Variants in IGSF11 observed in about 807,000 individuals in gnomAD.
IGSF11 encodes CXADR like 1.
Under a neutral mutation model 41.0 loss-of-function variants are expected in IGSF11, and 22 were observed. The observed-to-expected ratio is 0.54, with a 90% CI of 0.38 to 0.77. The LOEUF is 0.77. IGSF11 is among the 30% of genes least tolerant of loss of function. The probability of loss-of-function intolerance (pLI) is 0.00; values close to 1 mark genes in which losing one functional copy is unlikely to be tolerated. For missense variants in IGSF11, 444 were observed against 530.8 expected, an observed-to-expected ratio of 0.84 and a Z score of 1.61; for synonymous variants, 219 against 201.3, an observed-to-expected ratio of 1.09 and a Z score of -0.74.
At chr3:118,945,624 G>A (rs1944068785) in intron 1 of IGSF11, among the ~76,000 whole-genome samples, 1 of 152,182 alleles carries the variant, frequency 6.6e-6, no homozygotes, top group Admixed American at 6.5e-5. Context: ...AGAAGGCACT[G>A]TATTGTTGAC....
At chr3:119,118,248 C>G (rs1029655006) in intron 1 of IGSF11, among the ~76,000 whole-genome samples, 3 of 152,238 alleles carry the variant, frequency 2.0e-5, no homozygotes, top group African/African-American at 7.2e-5. Flanking sequence ...GGCCCCATTC[C>G]TGCAGCAAAC....
intron 2 of IGSF11, among the ~76,000 whole-genome samples, chr3:118,928,960 A>C (rs1462709473): frequency 2.0e-5 from 3 of 152,210 alleles, no homozygotes; most frequent in Non-Finnish European, 4.4e-5. Flanking sequence ...ACATAAAAAA[A>C]GTCTTTGCTG....
intron 1 of IGSF11, among the ~76,000 whole-genome samples, chr3:118,981,137 A>C (rs1350140910): frequency 6.6e-6 from 1 of 152,056 alleles, no homozygotes; most frequent in Non-Finnish European, 1.5e-5. Context: ...AAATTCTTAT[A>C]ATTATTTTAT....
At chr3:119,016,966 CAAAT>C (rs1013268785) in intron 1 of IGSF11, among the ~76,000 whole-genome samples, 3 of 124,490 alleles carry the variant, frequency 2.4e-5, no homozygotes, top group Non-Finnish European at 4.9e-5. Flanking sequence ...GAAGATTAAA[CAAAT>C]AGATAAGTAC....
intron 1 of IGSF11, among the ~76,000 whole-genome samples, chr3:119,002,389 T>C (rs1011314649): frequency 2.0e-5 from 3 of 150,886 alleles, no homozygotes; most frequent in African/African-American, 7.4e-5. Context: ...GTCAGATGAG[T>C]AGGTTGTGAA....
intron 1 of IGSF11, among the ~76,000 whole-genome samples, chr3:119,056,684 G>C (rs1174910692): frequency 6.6e-6 from 1 of 152,148 alleles, no homozygotes; most frequent in Non-Finnish European, 1.5e-5. Context: ...GAGAATTTTA[G>C]ACCAATGTCC....
In IGSF11 at chr3:118,932,397, C is replaced by T. The variant is rs866800829; in HGVS notation, c.53-2122G>A. Among the ~76,000 whole-genome samples the T allele has an allele frequency of 1.5e-4, 23 of 152,290 alleles. No homozygotes were observed. The South Asian group carries it at 1.7e-3, about 11-fold the overall frequency. On this transcript the variant is annotated intron_variant, in intron 1 of 6. Transcript: ENST00000393775. ...ACAATTAGTTTAAAAAATAAACATGCATAACACCTTCCCTGTACAGAACGT... is the reference window on the plus strand; with the variant it reads ...ACAATTAGTTTAAAAAATAAACATGTATAACACCTTCCCTGTACAGAACGT...
At chr3:118,976,199 G>GA (rs1009764512) in intron 1 of IGSF11, among the ~76,000 whole-genome samples, 105 of 151,356 alleles carry the variant, frequency 6.9e-4, no homozygotes, top group African/African-American at 1.6e-3. Flanking sequence ...CCTTAAAAAA[G>GA]AAAAAAAAGA....
At position 119,080,921 on chromosome 3, in the gene IGSF11, C is replaced by T. The variant is rs190112600; in HGVS notation, c.49+24223G>A. Among the ~76,000 whole-genome samples the T allele has an allele frequency of 6.6e-5, 10 of 151,946 alleles. No homozygotes were observed. In the East Asian group the frequency reaches 1.7e-3, roughly 26 times the overall value. On this transcript the variant is annotated intron_variant, in intron 1 of 6. Transcript: ENST00000354673. ...ATCTATTAATATATTAATGAATTTCCTCCTACTAAAATTTTACCCAAAAAG... is the reference window on the plus strand; with the variant it reads ...ATCTATTAATATATTAATGAATTTCTTCCTACTAAAATTTTACCCAAAAAG...
At chr3:118,970,220 C>T (rs1933224509) in intron 1 of IGSF11, among the ~76,000 whole-genome samples, 1 of 152,128 alleles carries the variant, frequency 6.6e-6, no homozygotes, top group Non-Finnish European at 1.5e-5. Flanking sequence ...GTCAAGAATT[C>T]AACTCTTCTG....
chr3:118,961,836 G>A (rs1043623508), intron 1 of IGSF11, among the ~76,000 whole-genome samples: 2 of 152,222 alleles, frequency 1.3e-5, no homozygotes, highest in Non-Finnish European at 2.9e-5. Flanking sequence ...GTTAAAATGT[G>A]TTGGTCTATG....
At chr3:118,965,846 T>C (rs1220511853) in intron 1 of IGSF11, among the ~76,000 whole-genome samples, 1 of 152,156 alleles carries the variant, frequency 6.6e-6, no homozygotes, top group Non-Finnish European at 1.5e-5. Context: ...TACTGCATAG[T>C]AATAAAATGT....
Position 118,902,741 on chromosome 3 carries a change from C to G in IGSF11, c.1075G>C (p.Ala359Pro). The change falls in exon 7 of 7, where the codon GCT becomes CCT. Residue 359 changes from alanine (A) to proline (P), a missense_variant. This residue lies in a region of IGSF11 where 223 missense variants were observed against 226.2 expected (regional missense o/e 0.99). Coordinates refer to ENST00000393775, the MANE Select transcript of IGSF11 (RefSeq NM_001015887.3). ...SGNANIPSIY[A>P]NGTHLVPGQH... ...CCCGGGACCAGATGGGTCCCATTAG[C>G]ATAAATGGATGGTATGTTGGCATTG... 6.2e-7 allele frequency: 1 copy of G among 1,614,098 alleles called. No individual in the cohort carries two copies. The highest frequency in any genetic ancestry group is 1.1e-5 in the South Asian group (1 of 91,086).
intron 3 of IGSF11, among the ~76,000 whole-genome samples, chr3:118,927,559 A>C (rs1576390597): frequency 6.6e-6 from 1 of 152,160 alleles, no homozygotes; most frequent in Non-Finnish European, 1.5e-5. Flanking sequence ...AAAGGCACCA[A>C]AGGCCGAGGG....
intron 1 of IGSF11, among the ~76,000 whole-genome samples, chr3:118,952,060 T>C (rs983884424): frequency 2.0e-5 from 3 of 152,176 alleles, no homozygotes; most frequent in African/African-American, 7.2e-5. Context: ...GGTTTCCCAG[T>C]GCATATAAGT....
At chr3:119,119,645 GA>G (rs1403095453) in intron 1 of IGSF11, among the ~76,000 whole-genome samples, 2 of 152,092 alleles carry the variant, frequency 1.3e-5, no homozygotes, top group Non-Finnish European at 2.9e-5. Context: ...TCCATTACAA[GA>G]ACCATCCCCA....
At chr3:119,029,173 T>TACACACACAC (rs66598029) in intron 1 of IGSF11, among the ~76,000 whole-genome samples, 1,866 of 111,540 alleles carry the variant, frequency 0.017, 72 homozygotes, top group African/African-American at 0.055. Flanking sequence ...TTGGGGATAA[T>TACACACACAC]ACACACACAC....
At chr3:118,967,952 T>A (rs1945798031) in intron 1 of IGSF11, among the ~76,000 whole-genome samples, 1 of 152,026 alleles carries the variant, frequency 6.6e-6, no homozygotes, top group Non-Finnish European at 1.5e-5. Context: ...TGACACAGGG[T>A]AGTTTCCAGT....
At chr3:119,097,644 C>T (rs1183626678) in intron 1 of IGSF11, among the ~76,000 whole-genome samples, 1 of 152,130 alleles carries the variant, frequency 6.6e-6, no homozygotes, top group African/African-American at 2.4e-5. Context: ...GACCCCATCA[C>T]CCAACTCTTT....
Sources: allele counts gnomAD v4.1 joint callset (sites outside exome capture counted in the v4.1 genomes callset), GRCh38; gene constraint gnomAD v4.1.1; regional missense constraint gnomAD v4.1.1; transcripts MANE v1.5; gene names NCBI Gene and HGNC (gene_info 2026-07-23, HGNC 2026-07-21).